The following ARL15 variants were observed in gnomAD, a reference collection of about 807,000 sequenced individuals.
The protein encoded by ARL15 is ARF like GTPase 15, also known as ADP-ribosylation factor-like protein 15.
Under a neutral mutation model 25.2 loss-of-function variants are expected in ARL15, and 19 were observed. The observed-to-expected ratio is 0.75, with a 90% CI of 0.53 to 1.10. ARL15 has a LOEUF of 1.10. Among genes scored for constraint, ARL15 ranks in the 50% least tolerant of loss-of-function variants. The pLI is 0.00. For missense variants in ARL15, 220 were observed against 246.0 expected (o/e 0.89, Z 0.71); for synonymous variants, 94 against 86.8 (o/e 1.08, Z -0.46).
At chr5:54,006,902 C>A (rs917796121) in intron 4 of ARL15, among the ~76,000 whole-genome samples, 1 of 151,920 alleles carries the variant, frequency 6.6e-6, no homozygotes, top group Admixed American at 6.6e-5. Flanking sequence ...ACCAGCCTGA[C>A]CAACATGGAG....
Position 54,085,814 on chromosome 5 carries a change from C to T in ARL15, c.462+27388G>A, listed in dbSNP as rs375107549. Among the ~76,000 whole-genome samples the T allele has an allele frequency of 1.2e-4, 19 of 152,018 alleles. No homozygotes were observed. In the East Asian group the frequency reaches 2.5e-3, roughly 20 times the overall value. ...TGGTCAGCGCCATAGGTGGTAACCA[C>T]GGCTTAGAAGAAAAGAGAAGAGGTG... is the stretch of plus-strand genomic sequence containing the variant. On this transcript the variant is annotated intron_variant, in intron 4 of 4. Coordinates refer to ENST00000504924, the MANE Select transcript of ARL15 (RefSeq NM_019087.3).
At chr5:53,917,799 C>A (rs1745703865) in intron 4 of ARL15, among the ~76,000 whole-genome samples, 1 of 152,174 alleles carries the variant, frequency 6.6e-6, no homozygotes, top group African/African-American at 2.4e-5. Flanking sequence ...CTATCAAACT[C>A]CTTCACCAGA....
intron 4 of ARL15, among the ~76,000 whole-genome samples, chr5:53,987,041 G>A (rs985696234): frequency 6.6e-6 from 1 of 151,282 alleles, no homozygotes; most frequent in African/African-American, 2.5e-5. Context: ...CAGAGACTGA[G>A]GATGGAAACT....
intron 3 of ARL15, among the ~76,000 whole-genome samples, chr5:54,145,011 G>C (rs1211753775): frequency 6.6e-6 from 1 of 151,744 alleles, no homozygotes; most frequent in Non-Finnish European, 1.5e-5. Flanking sequence ...GCTTTGTCTT[G>C]CTTTCTTTTC....
chr5:54,143,878 T>G (rs545422566), intron 3 of ARL15, among the ~76,000 whole-genome samples: 1 of 152,084 alleles, frequency 6.6e-6, no homozygotes, highest in Non-Finnish European at 1.5e-5. Flanking sequence ...TATGAATATA[T>G]CATCCTATTT....
chr5:54,076,904 T>G (rs1007382026), intron 4 of ARL15, among the ~76,000 whole-genome samples: 1 of 152,150 alleles, frequency 6.6e-6, no homozygotes. Flanking sequence ...ACTGGACCAC[T>G]GCAGTTGCCA....
chr5:53,900,220 A>C (rs898622522), intron 4 of ARL15, among the ~76,000 whole-genome samples: 4 of 152,216 alleles, frequency 2.6e-5, no homozygotes, highest in Non-Finnish European at 5.9e-5. Context: ...TCTCCGCAGG[A>C]TACAAATGCT....
intron 4 of ARL15, among the ~76,000 whole-genome samples, chr5:53,996,565 G>A (rs1369840534): frequency 2.1e-5 from 3 of 145,268 alleles, no homozygotes; most frequent in Non-Finnish European, 4.5e-5. Context: ...GTTGCAGTGC[G>A]CTGAGATCGC....
intron 4 of ARL15, among the ~76,000 whole-genome samples, chr5:54,072,849 T>C (rs564510656): frequency 1.0e-3 from 157 of 152,324 alleles, no homozygotes; most frequent in Non-Finnish European, 9.1e-4. Context: ...CAAAATTTAA[T>C]TGGGTACACC....
chr5:53,987,122 A>G (rs1471024160), intron 4 of ARL15, among the ~76,000 whole-genome samples: 1 of 152,192 alleles, frequency 6.6e-6, no homozygotes, highest in Non-Finnish European at 1.5e-5. Context: ...CATGGTGTCT[A>G]GGCAGGAACA....
At chr5:53,960,074 T>G (rs1747311992) in intron 4 of ARL15, among the ~76,000 whole-genome samples, 1 of 152,096 alleles carries the variant, frequency 6.6e-6, no homozygotes, top group Admixed American at 6.6e-5. Flanking sequence ...CAAACGAAAG[T>G]GCTTGACGGG....
chr5:54,101,937 A>G (rs544253074), intron 4 of ARL15, among the ~76,000 whole-genome samples: 1 of 152,300 alleles, frequency 6.6e-6, no homozygotes, highest in East Asian at 1.9e-4. Flanking sequence ...TAAATAATTT[A>G]CATATTAAAC....
At chr5:54,275,230 C>T (rs1006415981) in intron 1 of ARL15, among the ~76,000 whole-genome samples, 4 of 152,172 alleles carry the variant, frequency 2.6e-5, no homozygotes, top group Admixed American at 1.3e-4. Context: ...TACACTGCAC[C>T]GTCTGTTGGC....
At chr5:54,150,555 C>T (rs1451912999) in intron 3 of ARL15, among the ~76,000 whole-genome samples, 1 of 152,094 alleles carries the variant, frequency 6.6e-6, no homozygotes, top group Non-Finnish European at 1.5e-5. Context: ...AATCTCAGCA[C>T]TTTGGGAGGC....
intron 4 of ARL15, among the ~76,000 whole-genome samples, chr5:53,958,938 A>C (rs373233319): frequency 1.2e-4 from 19 of 152,344 alleles, no homozygotes; most frequent in African/African-American, 4.1e-4. Context: ...GAAGGAAGAA[A>C]TAGAAAATTC....
chr5:54,192,115 T>C (rs923000961), intron 1 of ARL15, among the ~76,000 whole-genome samples: 2 of 152,166 alleles, frequency 1.3e-5, no homozygotes, highest in Admixed American at 6.6e-5. Flanking sequence ...CCATTCCCTC[T>C]GCTTAGAAAT....
At chr5:54,016,088 G>A (rs696199) in intron 4 of ARL15, among the ~76,000 whole-genome samples, 82,173 of 151,826 alleles carry the variant, frequency 0.54, 22,804 homozygotes, top group Admixed American at 0.61. Context: ...CTTGTCTCAT[G>A]TTTTGTGGAA....
chr5:54,279,647 T>C (rs1280461038), intron 1 of ARL15, among the ~76,000 whole-genome samples: 1 of 152,110 alleles, frequency 6.6e-6, no homozygotes, highest in African/African-American at 2.4e-5. Flanking sequence ...CATCACACTC[T>C]CTCCTTTTAG....
intron 4 of ARL15, among the ~76,000 whole-genome samples, chr5:53,904,536 G>T (rs1300664167): frequency 1.3e-5 from 2 of 152,088 alleles, no homozygotes; most frequent in South Asian, 2.1e-4. Context: ...GATGCAGATT[G>T]CTTCCCAAGT....
Sources: gnomAD v4.1 joint callset for allele counts (sites outside exome capture counted in the v4.1 genomes callset) on GRCh38, gnomAD v4.1.1 for gene constraint, MANE v1.5 for transcripts, NCBI Gene and HGNC (gene_info 2026-07-23, HGNC 2026-07-21) for gene names.